The following COL19A1 variants were observed in gnomAD, a reference collection of about 807,000 sequenced individuals.
The protein encoded by COL19A1 is collagen alpha-1(XIX) chain.
In COL19A1, 159 loss-of-function variants were observed where a neutral mutation model predicts 190.2. The ratio of observed to expected loss-of-function variants is 0.84; its 90% CI spans 0.73 to 0.95. The LOEUF (loss-of-function observed/expected upper bound fraction) is 0.95. COL19A1 is among the 40% of genes least tolerant of loss of function. The probability of loss-of-function intolerance (pLI) is 0.00; values close to 1 mark genes in which losing one functional copy is unlikely to be tolerated. For missense variants in COL19A1, 1,418 were observed against 1,431.9 expected, an observed-to-expected ratio of 0.99 and a Z score of 0.16; for synonymous variants, 509 against 458.9, an observed-to-expected ratio of 1.11 and a Z score of -1.39.
At chr6:70,038,140 G>A (rs1779450418) in intron 14 of COL19A1, among the ~76,000 whole-genome samples, 1 of 152,326 alleles carries the variant, frequency 6.6e-6, no homozygotes, top group Admixed American at 6.5e-5. Context: ...CTTTGAGGAA[G>A]CCCAAATGAC....
intron 49 of COL19A1, among the ~76,000 whole-genome samples, chr6:70,201,012 A>G (rs529749870): frequency 6.6e-6 from 1 of 152,316 alleles, no homozygotes; most frequent in African/African-American, 2.4e-5. Context: ...TGTATACACT[A>G]TTGTGTAGAG....
chr6:70,200,351 G>A (rs1458151927), intron 49 of COL19A1, among the ~76,000 whole-genome samples: 1 of 152,150 alleles, frequency 6.6e-6, no homozygotes. Context: ...ATAATCTTAA[G>A]TATAGCTTAA....
intron 11 of COL19A1, among the ~76,000 whole-genome samples, chr6:69,982,141 A>C (rs1776067822): frequency 6.6e-6 from 1 of 152,192 alleles, no homozygotes; most frequent in Non-Finnish European, 1.5e-5. Context: ...GGGGGAGTTA[A>C]GAAGAATAAT....
intron 14 of COL19A1, among the ~76,000 whole-genome samples, chr6:70,060,144 A>G (rs1490504725): frequency 6.6e-6 from 1 of 152,198 alleles, no homozygotes; most frequent in Non-Finnish European, 1.5e-5. Context: ...GAATAGAATG[A>G]TCACTTCAGA....
At chr6:70,022,371 G>A (rs1778462767) in intron 11 of COL19A1, among the ~76,000 whole-genome samples, 1 of 152,030 alleles carries the variant, frequency 6.6e-6, no homozygotes, top group African/African-American at 2.4e-5. Flanking sequence ...AAAAACAGGA[G>A]TAAAGTGAAG....
intron 16 of COL19A1, among the ~76,000 whole-genome samples, chr6:70,110,730 G>A (rs1784237996): frequency 6.6e-6 from 1 of 152,178 alleles, no homozygotes; most frequent in South Asian, 2.1e-4. Flanking sequence ...GACAGCAGCA[G>A]TAGGACATTA....
intron 18 of COL19A1, among the ~76,000 whole-genome samples, chr6:70,133,274 C>A (rs1383182144): frequency 6.6e-6 from 1 of 152,156 alleles, no homozygotes; most frequent in Non-Finnish European, 1.5e-5. Flanking sequence ...ACTAAAAGAG[C>A]CAACCCTTTG....
At chr6:70,151,496 A>G (rs1787055869) in intron 31 of COL19A1, 58 bp downstream of exon 31, 1 of 1,551,638 alleles carries the variant, frequency 6.4e-7, no homozygotes. Flanking sequence ...TTAGAAAGAA[A>G]AATATTTAGC....
intron 4 of COL19A1, among the ~76,000 whole-genome samples, chr6:69,913,647 GAAC>G (rs1771105578): frequency 2.0e-5 from 3 of 152,170 alleles, no homozygotes; most frequent in African/African-American, 7.2e-5. Context: ...TGTGGTTAAT[GAAC>G]ACAGGTGAGA....
intron 4 of COL19A1, among the ~76,000 whole-genome samples, chr6:69,924,019 A>G (rs1772183264): frequency 1.3e-5 from 2 of 152,222 alleles, no homozygotes. Flanking sequence ...TAAAGACAAC[A>G]GACAGCACCA....
intron 42 of COL19A1, 75 bp from the exon 43 acceptor site, chr6:70,180,237 G>T: frequency 6.5e-7 from 1 of 1,543,652 alleles, no homozygotes. Context: ...ACTCAATTGG[G>T]GTTGGGGGAA....
chr6:69,897,429 T>C (rs1769859839), intron 2 of COL19A1, among the ~76,000 whole-genome samples: 1 of 151,362 alleles, frequency 6.6e-6, no homozygotes, highest in South Asian at 2.1e-4. Context: ...TGTAGTTTCA[T>C]GTAAATTTGA....
intron 1 of COL19A1, among the ~76,000 whole-genome samples, chr6:69,877,099 T>A (rs28526406): frequency 1.3e-5 from 2 of 152,320 alleles, no homozygotes; most frequent in East Asian, 3.9e-4. Context: ...ATTTAGACAC[T>A]GGTATAATGA....
chr6:70,040,972 A>G (rs1220068097), intron 14 of COL19A1, among the ~76,000 whole-genome samples: 2 of 152,192 alleles, frequency 1.3e-5, no homozygotes, highest in Admixed American at 1.3e-4. Flanking sequence ...CTATTTTGTA[A>G]AACAGTGTCC....
chr6:70,164,263 T>C (rs1357410720), intron 36 of COL19A1, among the ~76,000 whole-genome samples: 1 of 152,120 alleles, frequency 6.6e-6, no homozygotes, highest in African/African-American at 2.4e-5. Flanking sequence ...GTTTTACATG[T>C]TTACCCCATT....
At chr6:69,946,107 A>G (rs1773778042) in intron 9 of COL19A1, among the ~76,000 whole-genome samples, 1 of 151,930 alleles carries the variant, frequency 6.6e-6, no homozygotes, top group South Asian at 2.1e-4. Context: ...GGAATATCTT[A>G]GAATCTGAAA....
At chr6:69,995,742 T>A (rs560510176) in intron 11 of COL19A1, among the ~76,000 whole-genome samples, 34 of 152,320 alleles carry the variant, frequency 2.2e-4, no homozygotes, top group African/African-American at 7.5e-4. Flanking sequence ...TTGATTCTCA[T>A]ATATGAAATA....
chr6:70,050,928 A>C (rs1296708709), intron 14 of COL19A1, among the ~76,000 whole-genome samples: 1 of 152,110 alleles, frequency 6.6e-6, no homozygotes, highest in Non-Finnish European at 1.5e-5. Context: ...AAAATAGAGA[A>C]ACACTGGATG....
intron 14 of COL19A1, among the ~76,000 whole-genome samples, chr6:70,037,813 C>T (rs1245963288): frequency 6.6e-6 from 1 of 152,118 alleles, no homozygotes; most frequent in Non-Finnish European, 1.5e-5. Context: ...CAAGGAACAC[C>T]TTGAAGATAC....
Sources: allele counts gnomAD v4.1 joint callset (sites outside exome capture counted in the v4.1 genomes callset), GRCh38; gene constraint gnomAD v4.1.1; transcripts MANE v1.5; gene names NCBI Gene and HGNC (gene_info 2026-07-23, HGNC 2026-07-21).